HEXA: variants seen among roughly 807,000 people sequenced by gnomAD.
HEXA encodes the protein hexosaminidase subunit alpha.
A neutral mutation model predicts 73.3 loss-of-function variants in HEXA; 54 were observed. That is an observed-to-expected ratio of 0.74 (90% CI 0.59 to 0.92). The LOEUF is 0.92. Among genes scored for constraint, HEXA ranks in the 40% least tolerant of loss-of-function variants. The pLI is 0.00. For missense variants in HEXA, 649 were observed against 653.0 expected (o/e 0.99, Z 0.07); for synonymous variants, 230 against 246.9 (o/e 0.93, Z 0.64).
chr15:72,353,253 T>C, intron 4 of HEXA, 75 bp from the exon 5 acceptor site: 1 of 872,642 alleles, frequency 1.1e-6, no homozygotes, highest in Non-Finnish European at 1.9e-6. Context: ...TGAAGACAAC[T>C]CTCCCAGGAT....
chr15:72,347,135 C>T (rs913919147), intron 10 of HEXA, among the ~76,000 whole-genome samples: 4 of 126,940 alleles, frequency 3.2e-5, no homozygotes, highest in Non-Finnish European at 7.2e-5. Flanking sequence ...GTCCCACAGA[C>T]CCAGAAGACC....
At chr15:72,347,855 C>T in intron 9 of HEXA, 97 bp from the exon 10 acceptor site, 2 of 1,195,082 alleles carry the variant, frequency 1.7e-6, no homozygotes, top group Non-Finnish European at 2.5e-6. Context: ...TGGCCAGGGG[C>T]CTATTCCTCA....
chr15:72,367,974 A>G (rs1306431623), intron 1 of HEXA, among the ~76,000 whole-genome samples: 1 of 67,510 alleles, frequency 1.5e-5, no homozygotes, highest in African/African-American at 2.7e-5. Flanking sequence ...CAGTTATCAT[A>G]GAAAAATATC....
chr15:72,347,177 CTA>C (rs2088626501), intron 10 of HEXA, among the ~76,000 whole-genome samples: 1 of 149,640 alleles, frequency 6.7e-6, no homozygotes, highest in Non-Finnish European at 1.5e-5. Flanking sequence ...AAAATCCAGC[CTA>C]TCCAAGTAAC....
chr15:72,367,808 C>T (rs182292761), intron 1 of HEXA, among the ~76,000 whole-genome samples: 1 of 152,204 alleles, frequency 6.6e-6, no homozygotes, highest in Non-Finnish European at 1.5e-5. Context: ...GCAGTTCTTT[C>T]TATGCGGAAT....
chr15:72,353,565 C>T, intron 4 of HEXA, 126 bp downstream of exon 4: 1 of 756,948 alleles, frequency 1.3e-6, no homozygotes, highest in South Asian at 1.5e-5. Flanking sequence ...TCTCCTCTTC[C>T]ATTTCTACTG....
At position 72,371,723 on chromosome 15, in the gene HEXA, T is replaced by C. The variant is rs909300558; in HGVS notation, c.253+3997A>G. ...TACTACATATCTACAACGTTCCAGA[T>C]ACAGAAGAAATGGCCAAAGAAGGTA... On this transcript the variant is annotated intron_variant, in intron 1 of 13. Transcript: ENST00000268097. 5.3e-5 allele frequency among the ~76,000 whole-genome samples: 8 copies of C among 152,222 alleles called. No homozygotes were observed. In the South Asian group the frequency reaches 1.2e-3, roughly 24 times the overall value.
chr15:72,353,237 G>T, intron 4 of HEXA, 59 bp from the exon 5 acceptor site: 2 of 972,630 alleles, frequency 2.1e-6, no homozygotes, highest in Non-Finnish European at 3.3e-6. Context: ...TGGGGGCACA[G>T]GGAGATGAAG....
At chr15:72,358,783 TGA>T (rs1346361517) in intron 1 of HEXA, 1 of 152,202 alleles carries the variant, frequency 6.6e-6, no homozygotes, top group Non-Finnish European at 1.5e-5. Flanking sequence ...GGCAGCAACA[TGA>T]GAGCTGGCAA....
At chr15:72,348,998 C>T in intron 8 of HEXA, 81 bp downstream of exon 8, 1 of 1,163,306 alleles carries the variant, frequency 8.6e-7, no homozygotes, top group Non-Finnish European at 1.3e-6. Flanking sequence ...AGCAGCTGAG[C>T]TAAGCAGCCC....
intron 1 of HEXA, among the ~76,000 whole-genome samples, chr15:72,366,315 T>A (rs1015168819): frequency 1.3e-5 from 2 of 151,982 alleles, no homozygotes; most frequent in Non-Finnish European, 2.9e-5. Flanking sequence ...CACTTAATTT[T>A]TTTTTTTTTT....
intron 2 of HEXA, 66 bp from the exon 3 acceptor site, chr15:72,355,690 T>C: frequency 9.3e-7 from 1 of 1,076,374 alleles, no homozygotes; most frequent in Non-Finnish European, 1.4e-6. Flanking sequence ...ATAGACCAGA[T>C]ATTCTATATA....
intron 1 of HEXA, chr15:72,359,782 C>T (rs555146604): frequency 2.2e-5 from 3 of 139,310 alleles, no homozygotes; most frequent in South Asian, 4.7e-4. Context: ...AAAATATTTA[C>T]GATTAAAAAA....
intron 9 of HEXA, 130 bp from the exon 10 acceptor site, chr15:72,347,888 G>T: frequency 1.9e-6 from 2 of 1,038,364 alleles, no homozygotes; most frequent in Non-Finnish European, 3.0e-6. Context: ...TTTCCCCTGG[G>T]CTGAAAACCA....
intron 1 of HEXA, among the ~76,000 whole-genome samples, chr15:72,368,951 C>T (rs959164018): frequency 1.3e-5 from 2 of 152,200 alleles, no homozygotes; most frequent in African/African-American, 4.8e-5. Flanking sequence ...ATCCCAAGAG[C>T]TTTACAAAAG....
intron 1 of HEXA, chr15:72,362,421 T>G: frequency 2.2e-6 from 1 of 455,910 alleles, no homozygotes. Flanking sequence ...TCAGTGTCTT[T>G]GTATTCCCAG....
At chr15:72,354,162 C>A in intron 3 of HEXA, 1 of 177,922 alleles carries the variant, frequency 5.6e-6, no homozygotes, top group South Asian at 1.3e-4. Flanking sequence ...AAAAGGGGTC[C>A]CAGAATAAAT....
chr15:72,373,333 T>C (rs932814674), intron 1 of HEXA, among the ~76,000 whole-genome samples: 4 of 152,212 alleles, frequency 2.6e-5, no homozygotes, highest in African/African-American at 4.8e-5. Flanking sequence ...TCCCATGCTA[T>C]TGCTTCATCC....
At chr15:72,371,976 C>G (rs867548246) in intron 1 of HEXA, among the ~76,000 whole-genome samples, 15 of 152,122 alleles carry the variant, frequency 9.9e-5, no homozygotes, top group African/African-American at 2.9e-4. Context: ...TGCAGGTGAA[C>G]ATCAGACCAG....
Sources: allele counts gnomAD v4.1 joint callset (sites outside exome capture counted in the v4.1 genomes callset), GRCh38; gene constraint gnomAD v4.1.1; transcripts MANE v1.5; gene names NCBI Gene and HGNC (gene_info 2026-07-23, HGNC 2026-07-21).